The following MGAT4A variants were observed in gnomAD, a reference collection of about 807,000 sequenced individuals.
MGAT4A encodes the protein N-acetylglucosaminyltransferase IVa.
Under a neutral mutation model 74.1 loss-of-function variants are expected in MGAT4A, and 33 were observed. The observed-to-expected ratio is 0.45, with a 90% CI of 0.34 to 0.60. The LOEUF is 0.60. MGAT4A is among the 20% of genes least tolerant of loss of function. MGAT4A has a pLI of 0.02. For missense variants in MGAT4A, 479 were observed against 628.3 expected (o/e 0.76, Z 2.54); for synonymous variants, 198 against 210.4 (o/e 0.94, Z 0.51).
chr2:98,673,046 T>C (rs1409778678), intron 4 of MGAT4A, among the ~76,000 whole-genome samples: 1 of 152,112 alleles, frequency 6.6e-6, no homozygotes, highest in African/African-American at 2.4e-5. Context: ...TTGTAGTCGC[T>C]GGGTTTGTTT....
intron 2 of MGAT4A, among the ~76,000 whole-genome samples, chr2:98,708,391 A>G (rs1559174132): frequency 6.6e-6 from 1 of 152,240 alleles, no homozygotes; most frequent in Non-Finnish European, 1.5e-5. Flanking sequence ...ATGAAAAGCC[A>G]TGAGATTTAT....
intron 2 of MGAT4A, chr2:98,694,725 A>C (rs139259535): frequency 0.012 from 1,762 of 152,280 alleles, 15 homozygotes; most frequent in Middle Eastern, 0.027. Flanking sequence ...TCAGGAGGCT[A>C]AGGTAGGAGA....
chr2:98,713,185 CAAAAAAAAAAAA>C (rs139508612), intron 2 of MGAT4A, among the ~76,000 whole-genome samples: 1 of 54,220 alleles, frequency 1.8e-5, no homozygotes, highest in Non-Finnish European at 3.4e-5. Flanking sequence ...GATCATGTCT[CAAAAAAAAAAAA>C]AAAAAAAAAA....
intron 9 of MGAT4A, among the ~76,000 whole-genome samples, chr2:98,644,265 A>G (rs1307712404): frequency 6.6e-6 from 1 of 152,246 alleles, no homozygotes; most frequent in African/African-American, 2.4e-5. Flanking sequence ...AAACAGATAT[A>G]GTAAATTCCC....
rs1047136807 is a variant in MGAT4A at position 98,623,250 on chromosome 2, G to A, written c.*2316C>T. 11 of 985,334 alleles carry A rather than the reference G, an allele frequency of 1.1e-5. No homozygotes were observed. Among genetic ancestry groups the A allele is most frequent in the African/African-American group, 5.2e-5 (3 of 57,234 alleles). The allele number at this position is 985,334 out of a possible 1,614,324, so 61.0% of individuals were successfully genotyped here. ...GGAACAACAGGTGGACCAATGCTGGGAGGGCAAACTGCATGAAAACAGGAA... is the reference window on the plus strand; with the variant it reads ...GGAACAACAGGTGGACCAATGCTGGAAGGGCAAACTGCATGAAAACAGGAA... On this transcript the variant is annotated 3_prime_UTR_variant, in exon 16 of 16. Transcript: ENST00000393487.
Position 98,640,877 on chromosome 2 carries a change from C to T in MGAT4A, c.1021-649G>A, listed in dbSNP as rs530840882. Among the ~76,000 whole-genome samples, 245 of 152,082 alleles carry T rather than the reference C, an allele frequency of 1.6e-3. 1 individual carries two copies. Among genetic ancestry groups the T allele is most frequent in the African/African-American group, 5.4e-3 (224 of 41,488 alleles). On this transcript the variant is annotated intron_variant, in intron 10 of 15. Transcript: ENST00000393487. ...AGACTAGGGGGTTAGTTCAAATATA[C>T]AAAATATTTTTTATTTAATAATATA...
chr2:98,640,059 C>T (rs962264181), intron 11 of MGAT4A, 58 bp from the exon 12 acceptor site: 20 of 1,552,686 alleles, frequency 1.3e-5, no homozygotes, highest in African/African-American at 4.2e-5. Flanking sequence ...AGAAGAAAAA[C>T]AATAATTATA....
At chr2:98,628,775 T>A (rs77082839) in intron 14 of MGAT4A, among the ~76,000 whole-genome samples, 1 of 150,920 alleles carries the variant, frequency 6.6e-6, no homozygotes, top group African/African-American at 2.5e-5. Flanking sequence ...GTACTTGTAA[T>A]TTTTTTTTAA....
At chr2:98,697,304 C>A (rs1702289766) in intron 2 of MGAT4A, among the ~76,000 whole-genome samples, 1 of 152,184 alleles carries the variant, frequency 6.6e-6, no homozygotes, top group Non-Finnish European at 1.5e-5. Context: ...ATCTCTCACA[C>A]ACTGTATGAC....
intron 1 of MGAT4A, among the ~76,000 whole-genome samples, chr2:98,729,031 T>C (rs1702805674): frequency 6.6e-6 from 1 of 152,192 alleles, no homozygotes; most frequent in African/African-American, 2.4e-5. Context: ...AGAGCGCACA[T>C]CATATAGTTA....
At chr2:98,643,647 A>T (rs1304410358) in intron 10 of MGAT4A, among the ~76,000 whole-genome samples, 1 of 152,212 alleles carries the variant, frequency 6.6e-6, no homozygotes, top group Non-Finnish European at 1.5e-5. Context: ...TATGACCAAC[A>T]TCTACATCCA....
At chr2:98,630,793 G>A (rs192274489) in intron 14 of MGAT4A, among the ~76,000 whole-genome samples, 99 of 152,294 alleles carry the variant, frequency 6.5e-4, no homozygotes, top group African/African-American at 2.2e-3. Context: ...GAAGCAGTGG[G>A]TAGGAGAAGA....
chr2:98,666,965 G>C (rs962800224), intron 4 of MGAT4A, among the ~76,000 whole-genome samples: 1 of 152,126 alleles, frequency 6.6e-6, no homozygotes, highest in East Asian at 1.9e-4. Flanking sequence ...GAATTCCTAC[G>C]TGTGGTGGGA....
At chr2:98,677,818 T>TC (rs1162265563) in intron 3 of MGAT4A, among the ~76,000 whole-genome samples, 1 of 150,650 alleles carries the variant, frequency 6.6e-6, no homozygotes, top group African/African-American at 2.4e-5. Context: ...TTTTTTTTTT[T>TC]TTTTTGTAAT....
intron 14 of MGAT4A, among the ~76,000 whole-genome samples, chr2:98,633,317 T>C (rs1272937484): frequency 6.6e-6 from 1 of 152,204 alleles, no homozygotes; most frequent in Non-Finnish European, 1.5e-5. Flanking sequence ...TTCCTGGCTG[T>C]ACCTGCACAG....
intron 14 of MGAT4A, among the ~76,000 whole-genome samples, chr2:98,626,044 A>C (rs1701139473): frequency 6.6e-6 from 1 of 152,160 alleles, no homozygotes; most frequent in South Asian, 2.1e-4. Flanking sequence ...TTCACAATTT[A>C]CTTAATTAGG....
chr2:98,730,176 GAAAGCATTC>G (rs1702825464), intron 1 of MGAT4A: 1 of 152,240 alleles, frequency 6.6e-6, no homozygotes, highest in African/African-American at 2.4e-5. Context: ...AAAATACGTG[GAAAGCATTC>G]AAAGCATACA....
chr2:98,656,068 T>A (rs1037978056), intron 7 of MGAT4A: 19 of 349,398 alleles, frequency 5.4e-5, no homozygotes, highest in Non-Finnish European at 9.9e-5. Context: ...ATTTACAGTA[T>A]TAAACCCTGT....
In MGAT4A at chr2:98,631,668, G is replaced by A. The variant is rs527357474; in HGVS notation, c.1468+3554C>T. 4.6e-5 allele frequency among the ~76,000 whole-genome samples: 7 copies of A among 152,278 alleles called. No individual in the cohort carries two copies. In the East Asian group the frequency reaches 1.4e-3, roughly 29 times the overall value. ...AGAGCCTAGGCAGCCCGACTCCAGG[G>A]GAAAACCATCTCCCTTCTGGCTCCC... On this transcript the variant is annotated intron_variant, in intron 14 of 15. Transcript: ENST00000393487.
Sources: gnomAD v4.1 joint callset for allele counts (sites outside exome capture counted in the v4.1 genomes callset) on GRCh38, gnomAD v4.1.1 for gene constraint, MANE v1.5 for transcripts, NCBI Gene and HGNC (gene_info 2026-07-23, HGNC 2026-07-21) for gene names.